Variants in WWOX observed in about 807,000 individuals in gnomAD.
WWOX encodes the protein WW domain-containing oxidoreductase.
A neutral mutation model predicts 46.2 loss-of-function variants in WWOX; 69 were observed. The ratio of observed to expected loss-of-function variants is 1.49; its 90% CI spans 1.23 to 1.82. The LOEUF is 1.82. WWOX is among the 40% of genes most tolerant of loss of function. The pLI is 0.00. For missense variants in WWOX, 919 were observed against 542.6 expected (o/e 1.69, Z -6.89); for synonymous variants, 359 against 202.6 (o/e 1.77, Z -6.56).
intron 8 of WWOX, among the ~76,000 whole-genome samples, chr16:79,199,083 G>A (rs1051577609): frequency 6.6e-6 from 1 of 152,252 alleles, no homozygotes; most frequent in East Asian, 1.9e-4. Context: ...TATTTTTCAA[G>A]ATGGAGTCTC....
chr16:78,759,113 A>G (rs915192326), intron 8 of WWOX, among the ~76,000 whole-genome samples: 4 of 152,096 alleles, frequency 2.6e-5, no homozygotes, highest in Non-Finnish European at 5.9e-5. Flanking sequence ...GGTGCCAGTT[A>G]GGGATTCCTG....
rs184257795 is a variant in WWOX at position 78,929,638 on chromosome 16, G to C, written c.1057-281970G>C. Among the ~76,000 whole-genome samples, 16 of 152,256 alleles carry C rather than the reference G, an allele frequency of 1.1e-4. No individual in the cohort carries two copies. The East Asian group carries it at 2.7e-3, about 26-fold the overall frequency. On this transcript the variant is annotated intron_variant, in intron 8 of 8. Transcript: ENST00000566780. ...ATTGCCAGGCCCTGCTTCTATTTCT[G>C]GGGTTGGGATGGCGACTAAAGACCC... is the stretch of plus-strand genomic sequence containing the variant.
intron 8 of WWOX, among the ~76,000 whole-genome samples, chr16:78,829,286 A>T (rs1423451867): frequency 2.0e-5 from 3 of 152,188 alleles, no homozygotes; most frequent in African/African-American, 7.2e-5. Flanking sequence ...CCATGGTAGA[A>T]ACCTCATCCA....
At chr16:78,681,120 A>G (rs565344082) in intron 8 of WWOX, among the ~76,000 whole-genome samples, 24 of 152,288 alleles carry the variant, frequency 1.6e-4, no homozygotes, top group Non-Finnish European at 3.1e-4. Context: ...GTGGTGGCGC[A>G]TGCCTGTAGT....
intron 5 of WWOX, among the ~76,000 whole-genome samples, chr16:78,165,162 G>T (rs1265288379): frequency 6.6e-6 from 1 of 152,208 alleles, no homozygotes; most frequent in East Asian, 1.9e-4. Flanking sequence ...CGGTGAGGAA[G>T]ACATTAGAGG....
At chr16:79,113,690 T>C (rs1421417454) in intron 8 of WWOX, among the ~76,000 whole-genome samples, 1 of 152,102 alleles carries the variant, frequency 6.6e-6, no homozygotes, top group African/African-American at 2.4e-5. Context: ...CTGGAAGATC[T>C]TGGAGTGTAG....
chr16:78,476,509 G>A (rs1283024653), intron 8 of WWOX, among the ~76,000 whole-genome samples: 1 of 152,068 alleles, frequency 6.6e-6, no homozygotes, highest in East Asian at 1.9e-4. Context: ...TAATGTAAAT[G>A]ACGAGTTAAT....
chr16:78,536,340 G>A (rs964543944), intron 8 of WWOX, among the ~76,000 whole-genome samples: 2 of 151,848 alleles, frequency 1.3e-5, no homozygotes, highest in African/African-American at 2.4e-5. Flanking sequence ...CCTCCTGAAG[G>A]GTGTGATCAG....
rs565627950 is a variant in WWOX, at chr16:78,910,476, T to G, written c.1057-301132T>G. Among the ~76,000 whole-genome samples the G allele has an allele frequency of 5.4e-4, 82 of 150,998 alleles. 1 individual carries two copies. The highest frequency in any genetic ancestry group is 1.9e-3 in the African/African-American group (77 of 41,212). The stretch of plus-strand genomic sequence containing the variant: ...ATCCGTATTAGAACAGTGTGGTGTT[T>G]CATGTTAGCAGAGTGTATCAGGATC... On this transcript the variant is annotated intron_variant, in intron 8 of 8. Coordinates refer to ENST00000566780, the MANE Select transcript of WWOX (RefSeq NM_016373.4).
chr16:78,962,747 A>T (rs929579510), intron 8 of WWOX, among the ~76,000 whole-genome samples: 2 of 152,192 alleles, frequency 1.3e-5, no homozygotes, highest in Admixed American at 1.3e-4. Flanking sequence ...CACTCAGATC[A>T]AGACAGAGAA....
chr16:79,127,567 C>T lies in WWOX; in HGVS notation c.1057-84041C>T, dbSNP rs562065748. Among the ~76,000 whole-genome samples the T allele has an allele frequency of 3.9e-5, 6 of 152,278 alleles. No individual in the cohort carries two copies. In the East Asian group the frequency reaches 5.8e-4, roughly 15 times the overall value. Reference sequence around the variant, plus strand: ...TTTGCTATTGCAAATTGTGCCGCAACGTGTAACCTTGCACCGACATCGCTT... The same window carrying T: ...TTTGCTATTGCAAATTGTGCCGCAATGTGTAACCTTGCACCGACATCGCTT... On this transcript the variant is annotated intron_variant, in intron 8 of 8. Coordinates refer to ENST00000566780, the MANE Select transcript of WWOX (RefSeq NM_016373.4).
intron 8 of WWOX, among the ~76,000 whole-genome samples, chr16:78,914,449 A>C (rs1271417167): frequency 2.0e-5 from 3 of 152,186 alleles, no homozygotes; most frequent in African/African-American, 7.2e-5. Context: ...ACTTTGAAAC[A>C]GTTCCAGATT....
chr16:78,297,394 C>T (rs764830485), intron 5 of WWOX, among the ~76,000 whole-genome samples: 2 of 152,072 alleles, frequency 1.3e-5, no homozygotes, highest in Non-Finnish European at 2.9e-5. Flanking sequence ...CAGCATCCCC[C>T]ACAGCTTTGG....
chr16:79,124,007 C>G (rs187031581), intron 8 of WWOX, among the ~76,000 whole-genome samples: 10 of 152,290 alleles, frequency 6.6e-5, no homozygotes, highest in Admixed American at 6.5e-4. Context: ...TAAATAAACT[C>G]TGCCTTCTCG....
At chr16:78,188,759 A>G (rs892310231) in intron 5 of WWOX, among the ~76,000 whole-genome samples, 25 of 152,136 alleles carry the variant, frequency 1.6e-4, no homozygotes, top group Non-Finnish European at 3.5e-4. Context: ...AAGATCCTTC[A>G]TGGCTACTGG....
chr16:78,452,136 A>G (rs1567581521), intron 8 of WWOX, among the ~76,000 whole-genome samples: 1 of 152,196 alleles, frequency 6.6e-6, no homozygotes, highest in Non-Finnish European at 1.5e-5. Context: ...AAGTACAGGC[A>G]TATCCCACAG....
At chr16:78,279,038 A>G (rs1197264406) in intron 5 of WWOX, among the ~76,000 whole-genome samples, 5 of 152,198 alleles carry the variant, frequency 3.3e-5, no homozygotes, top group African/African-American at 1.2e-4. Flanking sequence ...TCTTGGTGAC[A>G]ACTCCTCCTC....
chr16:78,704,178 A>G (rs1271278481), intron 8 of WWOX, among the ~76,000 whole-genome samples: 1 of 151,800 alleles, frequency 6.6e-6, no homozygotes, highest in East Asian at 1.9e-4. Flanking sequence ...CCCTGTGGCA[A>G]CTATGTAACC....
intron 5 of WWOX, chr16:78,179,698 C>T (rs566068992): frequency 2.2e-4 from 33 of 152,266 alleles, no homozygotes; most frequent in African/African-American, 7.5e-4. Context: ...ATTATGAATC[C>T]TATTTTCAGA....
Sources: allele counts gnomAD v4.1 joint callset (sites outside exome capture counted in the v4.1 genomes callset), GRCh38; gene constraint gnomAD v4.1.1; transcripts MANE v1.5; gene names NCBI Gene and HGNC (gene_info 2026-07-23, HGNC 2026-07-21).